DCLRE1C: variants seen among roughly 807,000 people sequenced by gnomAD.
DCLRE1C encodes the protein protein artemis.
Under a neutral mutation model 61.4 loss-of-function variants are expected in DCLRE1C, and 47 were observed. That is an observed-to-expected ratio of 0.77 (90% confidence interval 0.61 to 0.98). DCLRE1C has a LOEUF of 0.98. Ranked by LOEUF, DCLRE1C falls within the 50% of genes least tolerant of loss-of-function variation. The probability of loss-of-function intolerance (pLI) is 0.00; values close to 1 mark genes in which losing one functional copy is unlikely to be tolerated. For synonymous variants in DCLRE1C, 337 were observed against 287.6 expected, an observed-to-expected ratio of 1.17 and a Z score of -1.74; for missense variants, 858 against 816.0, an observed-to-expected ratio of 1.05 and a Z score of -0.63.
Position 14,928,020 on chromosome 10 carries a change from C to A in DCLRE1C, c.913G>T (p.Val305Leu). 1 of 1,613,762 alleles carries A rather than the reference C, an allele frequency of 6.2e-7. No individual in the cohort carries two copies. Among genetic ancestry groups the A allele is most frequent in the African/African-American group, 1.3e-5 (1 of 75,022 alleles). ...GERSRKTNVI[V>L]RTGESSYRAC... ...CCTATGATATTGCTCTCTTACCTCA[C>A]AATTACATTTGTTTTTCTGCTCCTT... Residue 305 changes from valine to leucine, a missense_variant, in exon 10 of 14, where the codon GTG becomes TTG. By Grantham distance (32) the Val-to-Leu change is conservative. Around this residue, in one of 2 missense-constraint regions of DCLRE1C, gnomAD observed 843 missense variants for 783.5 expected, o/e 1.08. Coordinates refer to ENST00000378278, the MANE Select transcript of DCLRE1C (RefSeq NM_001033855.3).
rs765379729 is a variant in DCLRE1C, at chr10:14,909,048, T to G, written c.1439A>C (p.Gln480Pro). 6.2e-7 allele frequency: 1 copy of G among 1,614,214 alleles called. No individual in the cohort carries two copies. The highest frequency in any genetic ancestry group is 1.1e-5 in the South Asian group (1 of 91,086). Residue 480 changes from glutamine (Q) to proline (P), a missense_variant, in exon 14 of 14, where the codon CAA becomes CCA. Gln to Pro is a moderately conservative substitution (Grantham distance 76, BLOSUM62 -1). This residue lies in a region of DCLRE1C where 843 missense variants were observed against 783.5 expected (regional missense o/e 1.08). Transcript: ENST00000378278. ...QGDLGSVLHL[Q>P]KADGDVPQWE... ...CTGGGGTACATCCCCATCAGCCTTT[T>G]GCAGGTGAAGTACAGAGCCCAGATC...
downstream of DCLRE1C, chr10:14,900,985 G>T (rs552874508): frequency 3.8e-5 from 36 of 949,064 alleles, no homozygotes; most frequent in Middle Eastern, 3.6e-4. Flanking sequence ...TTTTAAATGT[G>T]CATGCCTCAA....
At chr10:14,897,577 T>C in exon 14 of DCLRE1C, 1 of 1,367,292 alleles carries the variant, frequency 7.3e-7, no homozygotes. Flanking sequence ...TTTTGGAAAA[T>C]TACCTTTTTA....
downstream of DCLRE1C, among the ~76,000 whole-genome samples, chr10:14,899,951 G>T (rs1833881949): frequency 6.6e-6 from 1 of 152,122 alleles, no homozygotes; most frequent in Non-Finnish European, 1.5e-5. Flanking sequence ...TAGTAACTTT[G>T]TACGGTAGGT....
Position 14,936,422 on chromosome 10 carries a change from A to G in DCLRE1C, c.362+116T>C, listed in dbSNP as rs941590140. 6.6e-5 allele frequency: 51 copies of G among 777,740 alleles called. No individual in the cohort carries two copies. In the African/African-American group the frequency reaches 8.4e-4, roughly 13 times the overall value. 48.2% of individuals were successfully genotyped at this position (777,740 alleles called of 1,614,324 possible). A position where few individuals can be genotyped will look rare whatever the true frequency, so the allele number is the denominator to read the frequency against. ...GTCAGCCTCCCAAAGCACTGGGATT[A>G]CAGACATGTGCCACTGCACCCAGCC... On this transcript the variant is annotated intron_variant, in intron 5 of 13. Transcript: ENST00000378278.
rs989798955 is a variant in DCLRE1C, at chr10:14,905,524, T to G, written c.*2884A>C. ...TTAGACTGTTAAGATAATGTCAACA[T>G]GCCAAGATCACCCAGTGAACTTTTT... On this transcript the variant is annotated 3_prime_UTR_variant, in exon 14 of 14. Coordinates refer to ENST00000378278, the MANE Select transcript of DCLRE1C (RefSeq NM_001033855.3). Among the ~76,000 whole-genome samples the G allele has an allele frequency of 6.6e-6, 1 of 152,256 alleles. No homozygotes were observed. Among genetic ancestry groups the G allele is most frequent in the Non-Finnish European group, 1.5e-5 (1 of 68,032 alleles).
chr10:14,946,946 G>A (rs12262248), intron 2 of DCLRE1C, among the ~76,000 whole-genome samples: 109 of 152,018 alleles, frequency 7.2e-4, no homozygotes, highest in Admixed American at 1.1e-3. Flanking sequence ...TAGAGATGCC[G>A]CACGCCTGTA....
At chr10:14,932,365 T>G (rs1396557945) in intron 9 of DCLRE1C, among the ~76,000 whole-genome samples, 2 of 152,016 alleles carry the variant, frequency 1.3e-5, no homozygotes, top group Non-Finnish European at 2.9e-5. Flanking sequence ...TGGTTGGGGG[T>G]GGTGGCTCAC....
chr10:14,926,231 C>T (rs1210168703), intron 11 of DCLRE1C, among the ~76,000 whole-genome samples: 1 of 152,106 alleles, frequency 6.6e-6, no homozygotes, highest in Non-Finnish European at 1.5e-5. Context: ...CTACCTGAGC[C>T]GAGAACGTGC....
chr10:14,934,682 T>A, intron 7 of DCLRE1C, 21 bp downstream of exon 7: 1 of 1,613,204 alleles, frequency 6.2e-7, no homozygotes. Context: ...ATGATAACCC[T>A]GTTCCTCCAG....
chr10:14,954,092 A>T lies in DCLRE1C; in HGVS notation c.-82T>A. On this transcript the variant is annotated 5_prime_UTR_variant, in exon 1 of 14. Coordinates refer to ENST00000378278, the MANE Select transcript of DCLRE1C (RefSeq NM_001033855.3). Reference sequence around the variant, plus strand: ...CCCTGACCGCGCCGCCACTTCCGGGAAGCCGCGCGCTGCCTCGCCATTGGG... The same window carrying T: ...CCCTGACCGCGCCGCCACTTCCGGGTAGCCGCGCGCTGCCTCGCCATTGGG... The T allele has an allele frequency of 1.9e-6, 3 of 1,600,172 alleles. No individual in the cohort carries two copies. Among genetic ancestry groups the T allele is most frequent in the African/African-American group, 1.3e-5 (1 of 74,932 alleles).
rs1442758484 is a variant in DCLRE1C, at chr10:14,899,446, A to G, written c.1157-134T>C. 6.7e-6 allele frequency: 9 copies of G among 1,350,358 alleles called. No individual in the cohort carries two copies. In the African/African-American group the frequency reaches 1.2e-4, roughly 18 times the overall value. 83.6% of individuals were successfully genotyped at this position (1,350,358 alleles called of 1,614,324 possible). ...GACACCTGAATTTCTTACTTTTTAA[A>G]TATTTGTAGGTATTCGCATATTAGT... is the stretch of plus-strand genomic sequence containing the variant. On this transcript the variant is annotated intron_variant, in intron 13 of 13. Transcript: ENST00000378289.
chr10:14,941,555 A>C (rs1303373093), intron 3 of DCLRE1C, among the ~76,000 whole-genome samples: 1 of 152,204 alleles, frequency 6.6e-6, no homozygotes, highest in African/African-American at 2.4e-5. Context: ...CCGAAGTGCT[A>C]GGACTACACA....
At position 14,939,773 on chromosome 10, in the gene DCLRE1C, A is replaced by AT. The variant is rs766607530; in HGVS notation, c.306+36dup. On this transcript the variant is annotated intron_variant, in intron 4 of 13. Transcript: ENST00000378278. Reference sequence around the variant, plus strand: ...ATATAAACAATCATTTTAGCACCACATTTTTTTAAAAAAATCAATATTTAA... The same window carrying AT: ...ATATAAACAATCATTTTAGCACCACATTTTTTTTAAAAAAATCAATATTTAA... 5.9e-6 allele frequency: 9 copies of AT among 1,530,170 alleles called. No individual in the cohort carries two copies. In the East Asian group the frequency reaches 9.2e-5, roughly 16 times the overall value. The allele number at this position is 1,530,170 out of a possible 1,614,324, so 94.8% of individuals were successfully genotyped here. A position where few individuals can be genotyped will look rare whatever the true frequency, so the allele number is the denominator to read the frequency against.
downstream of DCLRE1C, chr10:14,902,540 TATA>T: frequency 7.2e-7 from 1 of 1,390,464 alleles, no homozygotes; most frequent in Non-Finnish European, 9.8e-7. Context: ...AGCTGATGAT[TATA>T]ATATTTTTTT....
In DCLRE1C at chr10:14,904,726, T is replaced by C. The variant is rs1398015380; in HGVS notation, c.*3682A>G. The stretch of plus-strand genomic sequence containing the variant: ...ACTTAAGCAGTGAAATAATAGAAAC[T>C]AAAGGATGTTATTAAGGGGTTTAAC... On this transcript the variant is annotated 3_prime_UTR_variant, in exon 14 of 14. Transcript: ENST00000378278. Among the ~76,000 whole-genome samples the C allele has an allele frequency of 6.6e-6, 1 of 152,198 alleles. No individual in the cohort carries two copies. Among genetic ancestry groups the C allele is most frequent in the African/African-American group, 2.4e-5 (1 of 41,468 alleles).
In DCLRE1C at chr10:14,934,361, G is replaced by C. The variant is rs759064897; in HGVS notation, c.678+19C>G. On this transcript the variant is annotated intron_variant, in intron 8 of 13. Coordinates refer to ENST00000378278, the MANE Select transcript of DCLRE1C (RefSeq NM_001033855.3). Reference sequence around the variant, plus strand: ...AAAAAAAAGAAAAAAGAAAAGAAAAGAATGAACAGTCACCATACCTGGACT... The same window carrying C: ...AAAAAAAAGAAAAAAGAAAAGAAAACAATGAACAGTCACCATACCTGGACT... The C allele has an allele frequency of 1.4e-5, 22 of 1,587,844 alleles. No homozygotes were observed. Among genetic ancestry groups the C allele is most frequent in the Non-Finnish European group, 1.9e-5 (22 of 1,161,384 alleles).
intron 12 of DCLRE1C, among the ~76,000 whole-genome samples, chr10:14,922,151 C>T (rs550067303): frequency 1.3e-5 from 2 of 152,174 alleles, no homozygotes; most frequent in Non-Finnish European, 2.9e-5. Context: ...CTAAAGAAAT[C>T]ATTCATGGGC....
intron 1 of DCLRE1C, 143 bp downstream of exon 1, chr10:14,953,759 G>A (rs1842798311): frequency 1.6e-6 from 2 of 1,231,032 alleles, no homozygotes; most frequent in Non-Finnish European, 2.3e-6. Context: ...AGGCTGAAGA[G>A]CCCGACTGGG....
Sources: allele counts gnomAD v4.1 joint callset (sites outside exome capture counted in the v4.1 genomes callset), GRCh38; gene constraint gnomAD v4.1.1; regional missense constraint gnomAD v4.1.1; transcripts MANE v1.5; gene names NCBI Gene and HGNC (gene_info 2026-07-23, HGNC 2026-07-21).